The following KANSL3 variants were observed in gnomAD, a reference collection of about 807,000 sequenced individuals.
The protein encoded by KANSL3 is NSL complex protein NSL3.
Under a neutral mutation model 89.2 loss-of-function variants are expected in KANSL3, and 16 were observed. The ratio of observed to expected loss-of-function variants is 0.18; its 90% CI spans 0.12 to 0.27. The LOEUF (loss-of-function observed/expected upper bound fraction) is 0.27, where lower values mean the gene tolerates loss of function less well. Among genes scored for constraint, KANSL3 ranks in the 10% least tolerant of loss-of-function variants. The pLI is 1.00. For synonymous variants in KANSL3, 385 were observed against 419.7 expected, an observed-to-expected ratio of 0.92 and a Z score of 1.01; for missense variants, 879 against 1,110.6, an observed-to-expected ratio of 0.79 and a Z score of 2.96.
At position 96,631,437 on chromosome 2, in the gene KANSL3, A is replaced by T. The variant is rs1444797736; in HGVS notation, c.261T>A (p.Pro87=). The part of the protein sequence containing the change: ...PIDVETVTST[P]MPLYDNQKAR... Reference sequence around the variant, plus strand: ...CCTTCTGATTGTCATAGAGTGGCATAGGCGTTGATGTGACCGTCTCCACAT... The same window carrying T: ...CCTTCTGATTGTCATAGAGTGGCATTGGCGTTGATGTGACCGTCTCCACAT... Residue 87 remains proline (P), a synonymous_variant, in exon 3 of 21, where the codon CCT becomes CCA. Coordinates refer to ENST00000431828, the MANE Select transcript of KANSL3 (RefSeq NM_001115016.3). The T allele has an allele frequency of 6.3e-7, 1 of 1,593,746 alleles. No homozygotes were observed. Among genetic ancestry groups the T allele is most frequent in the Non-Finnish European group, 8.6e-7 (1 of 1,169,568 alleles).
At chr2:96,631,957 G>A (rs1329703848) in intron 2 of KANSL3, among the ~76,000 whole-genome samples, 1 of 151,978 alleles carries the variant, frequency 6.6e-6, no homozygotes, top group Non-Finnish European at 1.5e-5. Flanking sequence ...AAGGTGGGAG[G>A]ACTGCTGGAA....
the KANSL3 span, among the ~76,000 whole-genome samples, chr2:96,585,952 C>T: frequency 5.9e-5 from 9 of 152,186 alleles, no homozygotes; most frequent in Non-Finnish European, 8.8e-5. Flanking sequence ...TTGGGCTGGG[C>T]GCGGTGGCTC....
chr2:96,616,616 A>G (rs2070172709), intron 5 of KANSL3, among the ~76,000 whole-genome samples: 1 of 152,232 alleles, frequency 6.6e-6, no homozygotes, highest in South Asian at 2.1e-4. Context: ...GAAACAACCA[A>G]AGTATTTGTT....
At chr2:96,582,421 A>G in the KANSL3 span, among the ~76,000 whole-genome samples, 7 of 152,174 alleles carry the variant, frequency 4.6e-5, no homozygotes, top group South Asian at 6.2e-4. Flanking sequence ...AAGAAAATCA[A>G]TAACTCTTTT....
chr2:96,620,428 C>A (rs981012306), intron 3 of KANSL3, among the ~76,000 whole-genome samples: 2 of 152,264 alleles, frequency 1.3e-5, no homozygotes, highest in East Asian at 3.9e-4. Context: ...TCCCAGCATA[C>A]GGCACTGGTA....
At chr2:96,631,515 C>A in intron 2 of KANSL3, 33 bp from the exon 3 acceptor site, 3 of 1,552,376 alleles carry the variant, frequency 1.9e-6, no homozygotes, top group Non-Finnish European at 2.6e-6. Flanking sequence ...GACCGGGCCA[C>A]ACATACTTCA....
chr2:96,583,444 T>G, the KANSL3 span, among the ~76,000 whole-genome samples: 6 of 152,220 alleles, frequency 3.9e-5, no homozygotes, highest in African/African-American at 1.4e-4. Flanking sequence ...ACAGTCTCTC[T>G]CAATCATGAT....
intron 5 of KANSL3, among the ~76,000 whole-genome samples, chr2:96,616,614 C>A (rs2070171209): frequency 6.6e-6 from 1 of 152,164 alleles, no homozygotes; most frequent in Admixed American, 6.5e-5. Flanking sequence ...GGGAAACAAC[C>A]AAAGTATTTG....
chr2:96,614,568 C>T (rs1001238659), intron 5 of KANSL3, among the ~76,000 whole-genome samples: 1 of 152,002 alleles, frequency 6.6e-6, no homozygotes, highest in African/African-American at 2.4e-5. Flanking sequence ...GTCAGGAGTT[C>T]GAGATAAGCC....
At chr2:96,601,591 T>G in intron 20 of KANSL3, 52 bp downstream of exon 20, 2 of 1,592,062 alleles carry the variant, frequency 1.3e-6, no homozygotes. Flanking sequence ...CAGCTGGTCT[T>G]AAACTTCCCA....
intron 3 of KANSL3, among the ~76,000 whole-genome samples, chr2:96,626,185 A>C (rs1016936238): frequency 6.6e-6 from 1 of 152,230 alleles, no homozygotes; most frequent in Non-Finnish European, 1.5e-5. Context: ...GTTTCAAAGA[A>C]GACTAATTAA....
chr2:96,606,922 G>T, intron 14 of KANSL3: 1 of 1,052,284 alleles, frequency 9.5e-7, no homozygotes, highest in Non-Finnish European at 1.3e-6. Context: ...ATAAGGGGTT[G>T]AGGAGCAGAA....
intron 3 of KANSL3, among the ~76,000 whole-genome samples, chr2:96,627,362 T>C (rs2072534934): frequency 6.6e-6 from 1 of 152,030 alleles, no homozygotes; most frequent in Non-Finnish European, 1.5e-5. Context: ...TTACAGGCGT[T>C]TGCCACCACA....
At chr2:96,619,318 G>A in intron 5 of KANSL3, 41 bp downstream of exon 5, 1 of 1,557,180 alleles carries the variant, frequency 6.4e-7, no homozygotes, top group South Asian at 1.2e-5. Context: ...AGGGGAGGAT[G>A]GCTATCCCTA....
chr2:96,632,793 C>T (rs148230865), intron 2 of KANSL3, among the ~76,000 whole-genome samples: 17 of 151,992 alleles, frequency 1.1e-4, no homozygotes, highest in African/African-American at 3.9e-4. Flanking sequence ...GGAGAAACCC[C>T]GTCTCTACTA....
Position 96,610,850 on chromosome 2 carries a change from G to C in KANSL3, c.1195C>G (p.Pro399Ala). ...TTCTGACCAATGACAAAGAGGACTG[G>C]AGTCTTCATATCCAAGAGGGGATCA... The part of the protein sequence containing the change: ...VDDPLLDMKT[P>A]VLFVIGQNSL... Residue 399 changes from proline to alanine, a missense_variant, in exon 11 of 21, where the codon CCA becomes GCA. Pro to Ala is a conservative substitution (Grantham distance 27). Around this residue, in one of 6 missense-constraint regions of KANSL3, gnomAD observed 198 missense variants for 260.3 expected, o/e 0.76. Transcript: ENST00000431828. 1.9e-6 allele frequency: 3 copies of C among 1,613,972 alleles called. No individual in the cohort carries two copies. The highest frequency in any genetic ancestry group is 2.5e-6 in the Non-Finnish European group (3 of 1,179,876).
At chr2:96,629,558 G>T (rs1287736375) in intron 3 of KANSL3, among the ~76,000 whole-genome samples, 3 of 152,168 alleles carry the variant, frequency 2.0e-5, no homozygotes, top group African/African-American at 7.2e-5. Context: ...CCGACCTCAG[G>T]TGATCCACCC....
At chr2:96,588,141 G>A in the KANSL3 span, among the ~76,000 whole-genome samples, 1 of 151,864 alleles carries the variant, frequency 6.6e-6, no homozygotes, top group Non-Finnish European at 1.5e-5. Flanking sequence ...GCCTATACAG[G>A]TTCAAGAAGC....
intron 2 of KANSL3, among the ~76,000 whole-genome samples, chr2:96,633,568 CAAAAA>C (rs749429125): frequency 1.0e-5 from 1 of 96,584 alleles, no homozygotes; most frequent in Non-Finnish European, 2.1e-5. Context: ...GACTCTGTCT[CAAAAA>C]AAAAAAAAAA....
Sources: gnomAD v4.1 joint callset for allele counts (sites outside exome capture counted in the v4.1 genomes callset) on GRCh38, gnomAD v4.1.1 for gene constraint, gnomAD v4.1.1 regional missense constraint, MANE v1.5 for transcripts, NCBI Gene and HGNC (gene_info 2026-07-23, HGNC 2026-07-21) for gene names.